TCF12: variants seen among roughly 807,000 people sequenced by gnomAD.
The protein encoded by TCF12 is transcription factor 12, also known as DNA-binding protein HTF4.
In TCF12, 45 loss-of-function variants were observed where a neutral mutation model predicts 86.0. The observed-to-expected ratio is 0.52, with a 90% CI of 0.41 to 0.67. The LOEUF is 0.67. Ranked by LOEUF, TCF12 falls within the 30% of genes least tolerant of loss-of-function variation. The probability of loss-of-function intolerance (pLI) is 0.00; values close to 1 mark genes in which losing one functional copy is unlikely to be tolerated. For missense variants in TCF12, 881 were observed against 859.9 expected (o/e 1.02, Z -0.31); for synonymous variants, 330 against 299.6 (o/e 1.10, Z -1.05).
At chr15:57,236,037 CT>C (rs1424843383) in intron 12 of TCF12, among the ~76,000 whole-genome samples, 1 of 152,100 alleles carries the variant, frequency 6.6e-6, no homozygotes, top group Non-Finnish European at 1.5e-5. Context: ...AGTGGGTGGG[CT>C]TTGGTTGTCA....
At position 56,956,338 on chromosome 15, in the gene TCF12, G is replaced by A. The variant is rs541741729; in HGVS notation, c.148+35240G>A. On this transcript the variant is annotated intron_variant, in intron 3 of 20. Coordinates refer to ENST00000333725, the MANE Select transcript of TCF12 (RefSeq NM_207037.2). The stretch of plus-strand genomic sequence containing the variant: ...ATATTAATAGAATATTTTTTATTCT[G>A]TTTTGTCATCTTTATTGCCTTATTA... Among the ~76,000 whole-genome samples the A allele has an allele frequency of 5.3e-5, 8 of 151,126 alleles. No individual in the cohort carries two copies. The East Asian group carries it at 1.6e-3, about 29-fold the overall frequency.
intron 20 of TCF12, 47 bp downstream of exon 20, chr15:57,282,645 T>G: frequency 6.4e-7 from 1 of 1,574,186 alleles, no homozygotes; most frequent in Middle Eastern, 1.7e-4. Context: ...ACCTTAAGAT[T>G]CATCTTAAAC....
Position 57,289,048 on chromosome 15 carries a change from C to T in TCF12, c.*2903C>T, listed in dbSNP as rs1258056175. On this transcript the variant is annotated 3_prime_UTR_variant, in exon 21 of 21. Coordinates refer to ENST00000333725, the MANE Select transcript of TCF12 (RefSeq NM_207037.2). ...ATGAGGACTTCATGCCAAGCAAGAA[C>T]CTCAAACAAACTAGACAAACTTTTT... 6.6e-6 allele frequency: 1 copy of T among 152,122 alleles called. No homozygotes were observed. The highest frequency in any genetic ancestry group is 1.5e-5 in the Non-Finnish European group (1 of 68,016). The allele number at this position is 152,122 out of a possible 1,614,324, so 9.4% of individuals were successfully genotyped here.
At chr15:57,067,945 T>C (rs1174983339) in intron 4 of TCF12, among the ~76,000 whole-genome samples, 6 of 152,224 alleles carry the variant, frequency 3.9e-5, no homozygotes, top group African/African-American at 1.4e-4. Flanking sequence ...TTTTATTCTT[T>C]ATTGCATAGA....
intron 3 of TCF12, among the ~76,000 whole-genome samples, chr15:57,023,377 ACT>A (rs1325430241): frequency 3.3e-5 from 5 of 151,808 alleles, no homozygotes; most frequent in African/African-American, 1.2e-4. Flanking sequence ...GGACATTGAA[ACT>A]CTCTTTACCA....
At chr15:57,168,643 C>T (rs1156438121) in intron 6 of TCF12, among the ~76,000 whole-genome samples, 4 of 152,058 alleles carry the variant, frequency 2.6e-5, no homozygotes, top group African/African-American at 9.7e-5. Context: ...GGATTGGAGG[C>T]CGTGGATCTA....
At chr15:57,149,429 C>G (rs2053589348) in intron 5 of TCF12, among the ~76,000 whole-genome samples, 1 of 152,142 alleles carries the variant, frequency 6.6e-6, no homozygotes, top group Non-Finnish European at 1.5e-5. Context: ...AATTGCCAGC[C>G]TTTTAACCTT....
intron 5 of TCF12, among the ~76,000 whole-genome samples, chr15:57,132,812 A>T (rs1352548214): frequency 1.3e-5 from 2 of 152,214 alleles, no homozygotes; most frequent in Admixed American, 1.3e-4. Flanking sequence ...AAAGGAGCTG[A>T]CAAGAGCTCT....
chr15:57,087,366 C>T (rs1259204955), intron 4 of TCF12, among the ~76,000 whole-genome samples: 4 of 146,652 alleles, frequency 2.7e-5, no homozygotes, highest in Non-Finnish European at 5.9e-5. Flanking sequence ...GAGCTGTGAT[C>T]ATGCCACTGC....
intron 5 of TCF12, among the ~76,000 whole-genome samples, chr15:57,157,603 C>T (rs1236815822): frequency 6.6e-6 from 1 of 150,436 alleles, no homozygotes; most frequent in African/African-American, 2.5e-5. Flanking sequence ...TATGTCACCA[C>T]CCAGGCTGGA....
At chr15:57,125,170 C>T (rs1296770659) in intron 5 of TCF12, among the ~76,000 whole-genome samples, 1 of 152,076 alleles carries the variant, frequency 6.6e-6, no homozygotes, top group Non-Finnish European at 1.5e-5. Context: ...CTGACCAGAT[C>T]GTTATGAAAA....
At chr15:57,230,964 A>C (rs2059110687) in intron 8 of TCF12, among the ~76,000 whole-genome samples, 188 bp from the exon 9 acceptor site, 1 of 151,672 alleles carries the variant, frequency 6.6e-6, no homozygotes, top group Non-Finnish European at 1.5e-5. Context: ...TAAAAAAAAA[A>C]AACATGTGGA....
chr15:57,056,243 C>T (rs977891008), intron 3 of TCF12, among the ~76,000 whole-genome samples: 7 of 151,530 alleles, frequency 4.6e-5, no homozygotes, highest in African/African-American at 1.2e-4. Context: ...TGGGTTCAAG[C>T]GATTTTCCTG....
intron 2 of TCF12, among the ~76,000 whole-genome samples, chr15:56,920,815 G>A (rs1304578241): frequency 6.6e-6 from 1 of 152,052 alleles, no homozygotes; most frequent in Non-Finnish European, 1.5e-5. Flanking sequence ...AAATGATCGG[G>A]TCTTCAGAAC....
chr15:57,020,394 T>C (rs2065406977), intron 3 of TCF12, among the ~76,000 whole-genome samples: 2 of 152,202 alleles, frequency 1.3e-5, no homozygotes, highest in Admixed American at 1.3e-4. Context: ...GTATTTTGCA[T>C]GGCAATGTTT....
At chr15:57,278,757 C>CCCTA (rs1490667957) in intron 19 of TCF12, 1 of 131,162 alleles carries the variant, frequency 7.6e-6, no homozygotes, top group African/African-American at 2.9e-5. Context: ...CCCTCTCTCT[C>CCCTA]CCTCTCTCTC....
chr15:57,064,363 C>CA (rs1230155556), intron 4 of TCF12, among the ~76,000 whole-genome samples: 2 of 151,724 alleles, frequency 1.3e-5, no homozygotes, highest in African/African-American at 2.4e-5. Flanking sequence ...CCCTTTCCAG[C>CA]AAAAAACAAA....
intron 19 of TCF12, among the ~76,000 whole-genome samples, chr15:57,277,051 C>G (rs773678096): frequency 6.6e-6 from 1 of 152,098 alleles, no homozygotes; most frequent in East Asian, 1.9e-4. Flanking sequence ...GGTGATCCGC[C>G]TACCTCAGCC....
chr15:57,026,342 G>C (rs2065823880), intron 3 of TCF12, among the ~76,000 whole-genome samples: 1 of 152,204 alleles, frequency 6.6e-6, no homozygotes, highest in Non-Finnish European at 1.5e-5. Flanking sequence ...AAGAATTTAA[G>C]AGAACTTTCA....
Sources: gnomAD v4.1 joint callset for allele counts (sites outside exome capture counted in the v4.1 genomes callset) on GRCh38, gnomAD v4.1.1 for gene constraint, MANE v1.5 for transcripts, NCBI Gene and HGNC (gene_info 2026-07-23, HGNC 2026-07-21) for gene names.